Variants in ADAMTS17 observed in about 807,000 individuals in gnomAD.
ADAMTS17 encodes the protein A disintegrin and metalloproteinase with thrombospondin motifs 17.
ADAMTS17 carries 113 observed loss-of-function variants against 141.5 expected under a neutral mutation model. The observed-to-expected ratio is 0.80, with a 90% confidence interval of 0.69 to 0.93. ADAMTS17 has a LOEUF of 0.93. Ranked by LOEUF, ADAMTS17 falls within the 40% of genes least tolerant of loss-of-function variation. ADAMTS17 has a pLI of 0.00. For missense variants in ADAMTS17, 1,659 were observed against 1,517.9 expected (o/e 1.09, Z -1.54); for synonymous variants, 768 against 630.6 (o/e 1.22, Z -3.27).
intron 7 of ADAMTS17, among the ~76,000 whole-genome samples, chr15:100,205,526 C>T (rs2041508265): frequency 2.0e-5 from 3 of 152,132 alleles, no homozygotes; most frequent in Non-Finnish European, 4.4e-5. Flanking sequence ...AGGGGTTCTC[C>T]AGGGAGCAAT....
At chr15:100,143,622 A>G (rs539917038) in intron 10 of ADAMTS17, among the ~76,000 whole-genome samples, 27 of 152,338 alleles carry the variant, frequency 1.8e-4, no homozygotes, top group Admixed American at 1.6e-3. Context: ...TTTCTAGTTC[A>G]TATTTCCATA....
At chr15:100,233,374 A>T (rs759961126) in intron 7 of ADAMTS17, among the ~76,000 whole-genome samples, 1 of 152,108 alleles carries the variant, frequency 6.6e-6, no homozygotes, top group African/African-American at 2.4e-5. Context: ...GAAAAGTCAT[A>T]TAAGTCGCCG....
chr15:100,228,429 G>T (rs1231909642), intron 7 of ADAMTS17, among the ~76,000 whole-genome samples: 1 of 152,156 alleles, frequency 6.6e-6, no homozygotes, highest in African/African-American at 2.4e-5. Context: ...GGTACCATAC[G>T]CAAAGCCTGA....
At chr15:100,331,111 T>A in intron 2 of ADAMTS17, 57 bp from the exon 3 acceptor site, 7 of 1,607,520 alleles carry the variant, frequency 4.4e-6, no homozygotes, top group Non-Finnish European at 5.9e-6. Context: ...CACACGCCCA[T>A]GGCCCCCCGG....
intron 7 of ADAMTS17, among the ~76,000 whole-genome samples, chr15:100,237,646 CAG>C (rs2042700623): frequency 6.6e-6 from 1 of 152,036 alleles, no homozygotes; most frequent in African/African-American, 2.4e-5. Flanking sequence ...TTTTTTGAGA[CAG>C]AGTCTCGCTC....
chr15:100,061,421 C>A (rs57212073), intron 15 of ADAMTS17, among the ~76,000 whole-genome samples: 2 of 152,126 alleles, frequency 1.3e-5, no homozygotes, highest in African/African-American at 2.4e-5. Context: ...GCCACTATCG[C>A]GGATGCTATT....
intron 15 of ADAMTS17, among the ~76,000 whole-genome samples, chr15:100,071,624 A>C (rs2033977945): frequency 6.6e-6 from 1 of 150,400 alleles, no homozygotes. Flanking sequence ...CAATAAACGT[A>C]ATCCATCATG....
At chr15:100,213,749 G>A (rs1242593099) in intron 7 of ADAMTS17, among the ~76,000 whole-genome samples, 2 of 152,178 alleles carry the variant, frequency 1.3e-5, no homozygotes, top group Non-Finnish European at 2.9e-5. Flanking sequence ...TCAAACATCA[G>A]AAGGTCTGTG....
At chr15:100,212,091 C>T (rs2041826863) in intron 7 of ADAMTS17, among the ~76,000 whole-genome samples, 1 of 152,142 alleles carries the variant, frequency 6.6e-6, no homozygotes, top group African/African-American at 2.4e-5. Context: ...CACATATGTA[C>T]ACATGCATGT....
At chr15:100,095,407 A>C (rs2035697402) in intron 15 of ADAMTS17, among the ~76,000 whole-genome samples, 1 of 152,174 alleles carries the variant, frequency 6.6e-6, no homozygotes, top group Non-Finnish European at 1.5e-5. Context: ...ATCCACACAG[A>C]GAAAAGTGGA....
At chr15:100,145,623 A>C (rs1336799237) in intron 10 of ADAMTS17, among the ~76,000 whole-genome samples, 8 of 152,232 alleles carry the variant, frequency 5.3e-5, no homozygotes, top group Non-Finnish European at 1.0e-4. Flanking sequence ...ACACATCTAA[A>C]TTGAACATGT....
chr15:100,154,072 T>A (rs1235328623), intron 9 of ADAMTS17, among the ~76,000 whole-genome samples: 1 of 152,032 alleles, frequency 6.6e-6, no homozygotes, highest in Non-Finnish European at 1.5e-5. Context: ...TCCCAGCTAC[T>A]GGGGAGGCTG....
At chr15:100,248,503 C>T (rs1318550616) in intron 7 of ADAMTS17, among the ~76,000 whole-genome samples, 1 of 152,220 alleles carries the variant, frequency 6.6e-6, no homozygotes, top group Non-Finnish European at 1.5e-5. Context: ...TCACCTCCCT[C>T]TTCTCACCCA....
intron 10 of ADAMTS17, among the ~76,000 whole-genome samples, chr15:100,141,285 A>G (rs1007963050): frequency 1.3e-5 from 2 of 152,114 alleles, no homozygotes; most frequent in African/African-American, 4.8e-5. Context: ...CACGTACACG[A>G]GCCTTCGCCA....
intron 17 of ADAMTS17, among the ~76,000 whole-genome samples, chr15:100,050,416 A>AG (rs1173803313): frequency 1.3e-5 from 2 of 152,164 alleles, no homozygotes; most frequent in East Asian, 3.9e-4. Context: ...CTAAGGGCTG[A>AG]GGGGGAGAAG....
chr15:100,148,218 A>G (rs1448842882), intron 10 of ADAMTS17, among the ~76,000 whole-genome samples: 2 of 152,238 alleles, frequency 1.3e-5, no homozygotes, highest in African/African-American at 2.4e-5. Context: ...GATCTACCAC[A>G]ATTATATTCT....
intron 15 of ADAMTS17, among the ~76,000 whole-genome samples, chr15:100,080,514 G>C (rs1214432177): frequency 6.6e-6 from 1 of 152,108 alleles, no homozygotes; most frequent in Non-Finnish European, 1.5e-5. Flanking sequence ...AAATGACCCA[G>C]ACCATTCAGG....
chr15:100,124,319 C>T (rs11637908), intron 12 of ADAMTS17, among the ~76,000 whole-genome samples: 133,836 of 152,280 alleles, frequency 0.88, 59,929 homozygotes, highest in Non-Finnish European at 0.96. Context: ...CAAAACCAAA[C>T]GGCTTGCATG....
At chr15:100,258,524 C>A (rs151092690) in intron 6 of ADAMTS17, among the ~76,000 whole-genome samples, 1 of 152,132 alleles carries the variant, frequency 6.6e-6, no homozygotes, top group African/African-American at 2.4e-5. Context: ...TGGTGGAAGG[C>A]GAAAGGCACG....
Sources: gnomAD v4.1 joint callset for allele counts (sites outside exome capture counted in the v4.1 genomes callset) on GRCh38, gnomAD v4.1.1 for gene constraint, MANE v1.5 for transcripts, NCBI Gene and HGNC (gene_info 2026-07-23, HGNC 2026-07-21) for gene names.